IGF1R: variants seen among roughly 807,000 people sequenced by gnomAD.
IGF1R encodes the protein insulin-like growth factor 1 receptor.
Under a neutral mutation model 144.6 loss-of-function variants are expected in IGF1R, and 44 were observed. That is an observed-to-expected ratio of 0.30 (90% CI 0.24 to 0.39). The LOEUF is 0.39. IGF1R is among the 10% of genes least tolerant of loss of function. The pLI, the probability that IGF1R is intolerant of heterozygous loss-of-function variation, is 1.00. For missense variants in IGF1R, 1,355 were observed against 1,833.7 expected (o/e 0.74, Z 4.77); for synonymous variants, 795 against 722.8 (o/e 1.10, Z -1.60).
chr15:98,925,929 C>G (rs1229894413), intron 13 of IGF1R, among the ~76,000 whole-genome samples: 1 of 151,968 alleles, frequency 6.6e-6, no homozygotes, highest in African/African-American at 2.4e-5. Context: ...AAACAAAAAA[C>G]AGCGCACTCA....
At chr15:98,883,355 CTT>C (rs570076990) in intron 2 of IGF1R, among the ~76,000 whole-genome samples, 267 of 152,318 alleles carry the variant, frequency 1.8e-3, no homozygotes, top group African/African-American at 6.2e-3. Context: ...ACAGAATCCT[CTT>C]GTCTTCATTT....
At chr15:98,800,007 C>T (rs1177226096) in intron 2 of IGF1R, among the ~76,000 whole-genome samples, 1 of 152,154 alleles carries the variant, frequency 6.6e-6, no homozygotes, top group Admixed American at 6.5e-5. Context: ...GTATTAAAAC[C>T]ATTCCTGGTA....
intron 1 of IGF1R, among the ~76,000 whole-genome samples, chr15:98,705,010 A>G (rs2053827969): frequency 6.8e-6 from 1 of 146,864 alleles, no homozygotes; most frequent in African/African-American, 2.5e-5. Context: ...ATGTGGGGGG[A>G]TGAGTGAGTT....
At chr15:98,955,077 G>T (rs188377203) in intron 20 of IGF1R, among the ~76,000 whole-genome samples, 1 of 152,294 alleles carries the variant, frequency 6.6e-6, no homozygotes, top group East Asian at 1.9e-4. Context: ...AAATTATTTA[G>T]TATCTTAGTG....
chr15:98,855,316 G>A (rs1341185497), intron 2 of IGF1R, among the ~76,000 whole-genome samples: 1 of 152,216 alleles, frequency 6.6e-6, no homozygotes, highest in African/African-American at 2.4e-5. Flanking sequence ...CCAGACAGAC[G>A]CCCCGAGCCT....
chr15:98,915,526 C>T (rs1220599121), intron 8 of IGF1R, among the ~76,000 whole-genome samples: 4 of 152,214 alleles, frequency 2.6e-5, no homozygotes, highest in African/African-American at 9.7e-5. Flanking sequence ...GGCTTCATGA[C>T]ATTTTTATCA....
intron 19 of IGF1R, among the ~76,000 whole-genome samples, chr15:98,946,151 G>A (rs908719435): frequency 1.3e-5 from 2 of 149,304 alleles, no homozygotes; most frequent in East Asian, 4.1e-4. Context: ...AAGTTGTGTA[G>A]GCACCCTAAG....
chr15:98,902,590 G>GTA (rs148555386), intron 5 of IGF1R, among the ~76,000 whole-genome samples: 31,876 of 150,072 alleles, frequency 0.21, 3,765 homozygotes, highest in East Asian at 0.42. Flanking sequence ...GCTTATTTTT[G>GTA]CTTTTAGTAG....
At chr15:98,690,938 A>G (rs1038025746) in intron 1 of IGF1R, among the ~76,000 whole-genome samples, 23 of 152,232 alleles carry the variant, frequency 1.5e-4, no homozygotes, top group South Asian at 4.1e-4. Context: ...TTACATGCTC[A>G]TGCATACTCA....
chr15:98,876,080 C>T (rs1183116576), intron 2 of IGF1R, among the ~76,000 whole-genome samples: 1 of 152,056 alleles, frequency 6.6e-6, no homozygotes, highest in Non-Finnish European at 1.5e-5. Context: ...AACCGAATAC[C>T]TAAAACCAGG....
At chr15:98,680,573 T>C (rs1248193454) in intron 1 of IGF1R, among the ~76,000 whole-genome samples, 1 of 151,926 alleles carries the variant, frequency 6.6e-6, no homozygotes, top group Non-Finnish European at 1.5e-5. Flanking sequence ...GCCTTTTGTT[T>C]CGTTTTTAAG....
chr15:98,779,895 G>C (rs1457226504), intron 2 of IGF1R, among the ~76,000 whole-genome samples: 1 of 152,156 alleles, frequency 6.6e-6, no homozygotes, highest in South Asian at 2.1e-4. Flanking sequence ...TGCCCTCCAG[G>C]CTCGGAGGGC....
intron 5 of IGF1R, among the ~76,000 whole-genome samples, chr15:98,899,927 C>G (rs887894578): frequency 2.0e-5 from 3 of 152,118 alleles, no homozygotes; most frequent in African/African-American, 7.2e-5. Context: ...GCTTTTCTGC[C>G]AAGAATGACA....
At chr15:98,955,338 C>T (rs1185833821) in intron 20 of IGF1R, among the ~76,000 whole-genome samples, 2 of 152,246 alleles carry the variant, frequency 1.3e-5, no homozygotes, top group African/African-American at 4.8e-5. Context: ...TTGTCTAATT[C>T]TTTTCTCCCC....
intron 1 of IGF1R, among the ~76,000 whole-genome samples, chr15:98,661,418 G>T (rs2052595257): frequency 6.6e-6 from 1 of 152,206 alleles, no homozygotes; most frequent in Admixed American, 6.5e-5. Flanking sequence ...TATCCTTAAA[G>T]TCTCCTCTTC....
intron 2 of IGF1R, among the ~76,000 whole-genome samples, chr15:98,756,703 C>T (rs2055164744): frequency 6.6e-6 from 1 of 152,008 alleles, no homozygotes; most frequent in Admixed American, 6.5e-5. Context: ...GAATGCCTGT[C>T]TCATTTGCTT....
intron 2 of IGF1R, among the ~76,000 whole-genome samples, chr15:98,797,744 C>T (rs1171191197): frequency 6.6e-6 from 1 of 152,154 alleles, no homozygotes; most frequent in African/African-American, 2.4e-5. Context: ...GACGTAGCTA[C>T]TTGGGGTTAC....
intron 1 of IGF1R, among the ~76,000 whole-genome samples, chr15:98,695,736 A>G (rs2053580394): frequency 6.6e-6 from 1 of 152,166 alleles, no homozygotes; most frequent in African/African-American, 2.4e-5. Flanking sequence ...GTCTGTTCTT[A>G]TATGGAACCA....
intron 2 of IGF1R, among the ~76,000 whole-genome samples, chr15:98,816,596 T>A (rs1352038328): frequency 6.6e-6 from 1 of 152,230 alleles, no homozygotes; most frequent in Non-Finnish European, 1.5e-5. Context: ...ATCTCATCCT[T>A]ACCCACTCTG....
Sources: allele counts gnomAD v4.1 joint callset (sites outside exome capture counted in the v4.1 genomes callset), GRCh38; gene constraint gnomAD v4.1.1; transcripts MANE v1.5; gene names NCBI Gene and HGNC (gene_info 2026-07-23, HGNC 2026-07-21).